Variants in PLD5 observed in about 807,000 individuals in gnomAD.
PLD5 encodes inactive phospholipase D5.
In PLD5, 36 loss-of-function variants were observed where a neutral mutation model predicts 61.1. That is an observed-to-expected ratio of 0.59 (90% CI 0.45 to 0.78). The LOEUF is 0.78. PLD5 is among the 30% of genes least tolerant of loss of function. The pLI is 0.00. For synonymous variants in PLD5, 243 were observed against 242.8 expected (o/e 1.00, Z -0.01); for missense variants, 515 against 644.4 (o/e 0.80, Z 2.17).
chr1:242,498,763 G>A (rs2654853), intron 1 of PLD5, among the ~76,000 whole-genome samples: 12,164 of 152,160 alleles, frequency 0.08, 1,221 homozygotes, highest in African/African-American at 0.24. Context: ...TTTAAAGTCT[G>A]CCACATGTGG....
chr1:242,493,140 A>T (rs1308845553), intron 1 of PLD5, among the ~76,000 whole-genome samples: 1 of 152,184 alleles, frequency 6.6e-6, no homozygotes, highest in African/African-American at 2.4e-5. Context: ...ACAAAACCAT[A>T]AAAGTTGGCA....
At chr1:242,283,562 A>G (rs988152564) in intron 3 of PLD5, among the ~76,000 whole-genome samples, 1 of 152,248 alleles carries the variant, frequency 6.6e-6, no homozygotes, top group African/African-American at 2.4e-5. Context: ...TCTTTAAAAA[A>G]ATTAATGAAA....
intron 1 of PLD5, among the ~76,000 whole-genome samples, chr1:242,459,972 T>C (rs1667067197): frequency 6.6e-6 from 1 of 152,200 alleles, no homozygotes; most frequent in Non-Finnish European, 1.5e-5. Context: ...TCTAACCAGT[T>C]GTCTAGCTTC....
intron 3 of PLD5, among the ~76,000 whole-genome samples, chr1:242,266,859 G>A (rs1673709517): frequency 6.6e-6 from 1 of 152,176 alleles, no homozygotes; most frequent in South Asian, 2.1e-4. Flanking sequence ...CCTCACACCT[G>A]TAATCCCAGC....
intron 4 of PLD5, among the ~76,000 whole-genome samples, chr1:242,245,114 C>T (rs1315969024): frequency 6.6e-6 from 1 of 152,134 alleles, no homozygotes; most frequent in African/African-American, 2.4e-5. Flanking sequence ...ATAAAACCTT[C>T]AAGTTTTTCA....
At chr1:242,195,865 A>T (rs1668610006) in intron 5 of PLD5, among the ~76,000 whole-genome samples, 2 of 152,248 alleles carry the variant, frequency 1.3e-5, no homozygotes, top group South Asian at 4.1e-4. Context: ...TTAGAAATGG[A>T]TAAATAAGGA....
chr1:242,240,977 G>T (rs961821235), intron 4 of PLD5, among the ~76,000 whole-genome samples: 22 of 152,056 alleles, frequency 1.4e-4, no homozygotes, highest in African/African-American at 5.3e-4. Context: ...GGTAAATGCT[G>T]GGCAGAACAG....
intron 1 of PLD5, among the ~76,000 whole-genome samples, chr1:242,468,712 C>T (rs1265132770): frequency 6.6e-6 from 1 of 151,942 alleles, no homozygotes; most frequent in East Asian, 1.9e-4. Context: ...CACACACACA[C>T]ACATACACAC....
intron 4 of PLD5, among the ~76,000 whole-genome samples, chr1:242,225,420 T>G (rs1670876269): frequency 1.3e-5 from 2 of 149,848 alleles, no homozygotes; most frequent in African/African-American, 4.9e-5. Context: ...TGCTGTTATG[T>G]GGAACAGTGG....
intron 1 of PLD5, among the ~76,000 whole-genome samples, chr1:242,483,314 A>G (rs1457427035): frequency 6.6e-6 from 1 of 152,194 alleles, no homozygotes; most frequent in Non-Finnish European, 1.5e-5. Flanking sequence ...CAGGAAACCC[A>G]TCTCACATGC....
At chr1:242,100,587 C>T in intron 9 of PLD5, 81 bp downstream of exon 9, 1 of 1,025,932 alleles carries the variant, frequency 9.7e-7, no homozygotes, top group South Asian at 1.4e-5. Flanking sequence ...GCTTCCTCAC[C>T]AGGGGATACC....
intron 1 of PLD5, among the ~76,000 whole-genome samples, chr1:242,414,618 T>A (rs1664724912): frequency 6.6e-6 from 1 of 152,144 alleles, no homozygotes; most frequent in Non-Finnish European, 1.5e-5. Flanking sequence ...CCTTAGTGAA[T>A]ACATCAGGAT....
At chr1:242,466,423 G>T (rs1250420280) in intron 1 of PLD5, among the ~76,000 whole-genome samples, 3 of 152,022 alleles carry the variant, frequency 2.0e-5, no homozygotes, top group Non-Finnish European at 4.4e-5. Context: ...GTTCAAAAGA[G>T]ACTTTATCTA....
chr1:242,116,730 CA>C (rs1279473334), intron 6 of PLD5, among the ~76,000 whole-genome samples: 3 of 152,174 alleles, frequency 2.0e-5, no homozygotes, highest in Non-Finnish European at 4.4e-5. Flanking sequence ...CACATTGCTG[CA>C]AAAGACATGA....
At chr1:242,181,662 T>TTTTTG (rs1553317602) in intron 5 of PLD5, among the ~76,000 whole-genome samples, 14 of 151,740 alleles carry the variant, frequency 9.2e-5, no homozygotes, top group African/African-American at 3.4e-4. Flanking sequence ...CAATGGTTTT[T>TTTTTG]TTTTGTTTTG....
intron 1 of PLD5, among the ~76,000 whole-genome samples, chr1:242,413,054 G>A (rs1313992419): frequency 6.6e-6 from 1 of 151,994 alleles, no homozygotes; most frequent in African/African-American, 2.4e-5. Context: ...TGTCGTTTTG[G>A]AAACCTCCAG....
intron 1 of PLD5, among the ~76,000 whole-genome samples, chr1:242,358,394 G>A (rs1660875825): frequency 6.6e-6 from 1 of 151,724 alleles, no homozygotes; most frequent in Non-Finnish European, 1.5e-5. Flanking sequence ...CTTTGGCAGA[G>A]ATAGACCTTC....
chr1:242,514,636 T>G (rs1044945018), intron 1 of PLD5, among the ~76,000 whole-genome samples: 1 of 152,196 alleles, frequency 6.6e-6, no homozygotes, highest in Non-Finnish European at 1.5e-5. Flanking sequence ...ATGTTTTATC[T>G]TCCCTCCTGT....
the PLD5 span, among the ~76,000 whole-genome samples, chr1:242,529,781 T>TCCTCCCTCCCTTCCTC: frequency 1.5e-5 from 1 of 65,236 alleles, no homozygotes; most frequent in African/African-American, 4.4e-5. Context: ...ACTGGGATCT[T>TCCTCCCTCCCTTCCTC]CCTTCCTTCC....
Sources: gnomAD v4.1 joint callset for allele counts (sites outside exome capture counted in the v4.1 genomes callset) on GRCh38, gnomAD v4.1.1 for gene constraint, MANE v1.5 for transcripts, NCBI Gene and HGNC (gene_info 2026-07-23, HGNC 2026-07-21) for gene names.